The following CD48 variants were observed in gnomAD, a reference collection of about 807,000 sequenced individuals.
CD48 encodes CD48 antigen.
A neutral mutation model predicts 22.0 loss-of-function variants in CD48; 20 were observed. That is an observed-to-expected ratio of 0.91 (90% confidence interval 0.64 to 1.32). CD48 has a LOEUF of 1.32. Among genes scored for constraint, CD48 ranks in the 40% most tolerant of loss-of-function variants. CD48 has a pLI of 0.00. For missense variants in CD48, 307 were observed against 286.5 expected (o/e 1.07, Z -0.52); for synonymous variants, 110 against 110.1 (o/e 1.00, Z 0.01).
In CD48 at chr1:160,684,906, C is replaced by T; in HGVS notation, c.366G>A (p.Lys122=). Reference sequence around the variant, plus strand: ...ACTCACCAAGCACTTGCAGCTTGATCTTCCATTCTTGCTCATTCCCAGTCT... The same window carrying T: ...ACTCACCAAGCACTTGCAGCTTGATTTTCCATTCTTGCTCATTCCCAGTCT... ...LKKTGNEQEW[K]IKLQVLDPVP... The change falls in exon 2 of 4, where the codon AAG becomes AAA. Residue 122 remains lysine, a synonymous_variant. Transcript: ENST00000368046. 1 of 1,614,150 alleles carries T rather than the reference C, an allele frequency of 6.2e-7. No individual in the cohort carries two copies. Among genetic ancestry groups the T allele is most frequent in the Non-Finnish European group, 8.5e-7 (1 of 1,180,032 alleles).
rs909005024 is a variant in CD48 at position 160,678,965 on chromosome 1, T to C, written c.*87A>G. Reference sequence around the variant, plus strand: ...CAGCAGCATGCTTCTGGTCAGCCTATACAGTCTCTGTCCTGGTGAGGAGCA... The same window carrying C: ...CAGCAGCATGCTTCTGGTCAGCCTACACAGTCTCTGTCCTGGTGAGGAGCA... On this transcript the variant is annotated 3_prime_UTR_variant, in exon 4 of 4. Coordinates refer to ENST00000368046, the MANE Select transcript of CD48 (RefSeq NM_001778.4). 6 of 961,608 alleles carry C rather than the reference T, an allele frequency of 6.2e-6. No homozygotes were observed. The African/African-American group carries it at 8.0e-5, about 13-fold the overall frequency. 59.6% of individuals were successfully genotyped at this position (961,608 alleles called of 1,614,324 possible). A position where few individuals can be genotyped will look rare whatever the true frequency, so the allele number is the denominator to read the frequency against.
At chr1:160,706,900 A>G (rs1303568135) in intron 1 of CD48, among the ~76,000 whole-genome samples, 4 of 152,210 alleles carry the variant, frequency 2.6e-5, no homozygotes, top group African/African-American at 9.6e-5. Context: ...CTCCAATAAA[A>G]CAAGACACAT....
intron 1 of CD48, among the ~76,000 whole-genome samples, chr1:160,694,254 T>G (rs1332498970): frequency 1.3e-5 from 2 of 152,228 alleles, no homozygotes; most frequent in African/African-American, 4.8e-5. Context: ...ACAGGAGGGT[T>G]TGGAAGCACT....
At chr1:160,706,085 A>T (rs1417659414) in intron 1 of CD48, among the ~76,000 whole-genome samples, 4 of 151,944 alleles carry the variant, frequency 2.6e-5, no homozygotes, top group African/African-American at 9.7e-5. Context: ...ATATATATAT[A>T]ATTTTTTTTA....
At chr1:160,692,063 A>G (rs1308922753) in intron 1 of CD48, 1 of 163,416 alleles carries the variant, frequency 6.1e-6, no homozygotes, top group African/African-American at 2.4e-5. Context: ...TTAGATCTAG[A>G]AGATTGGAAA....
Position 160,679,031 on chromosome 1 carries a change from C to T in CD48, c.*21G>A, listed in dbSNP as rs772969558. On this transcript the variant is annotated 3_prime_UTR_variant, in exon 4 of 4. Transcript: ENST00000368046. ...AAGATCTTCTGGCCTTGAAGTTTCG[C>T]TTGAGTTAAAAGAGCTCATCTCAGG... is the stretch of plus-strand genomic sequence containing the variant. The T allele has an allele frequency of 1.9e-6, 3 of 1,600,006 alleles. No homozygotes were observed. In the South Asian group the frequency reaches 3.3e-5, roughly 18 times the overall value.
chr1:160,695,847 G>T (rs1571063173), intron 1 of CD48, among the ~76,000 whole-genome samples: 2 of 152,176 alleles, frequency 1.3e-5, no homozygotes, highest in East Asian at 3.9e-4. Context: ...CATTGTACTT[G>T]GATCAAATAG....
At chr1:160,691,394 C>A (rs1052962521) in intron 1 of CD48, among the ~76,000 whole-genome samples, 4 of 152,076 alleles carry the variant, frequency 2.6e-5, no homozygotes, top group Admixed American at 2.6e-4. Context: ...ATGCAGGCAG[C>A]AATACTGCTT....
chr1:160,684,858 G>T (rs752760840), intron 2 of CD48, 29 bp downstream of exon 2: 2 of 1,613,930 alleles, frequency 1.2e-6, no homozygotes, highest in South Asian at 2.2e-5. Context: ...ACTGGAGTGG[G>T]GATTTGCTCT....
intron 1 of CD48, among the ~76,000 whole-genome samples, chr1:160,690,498 A>C (rs1225060569): frequency 6.6e-6 from 1 of 152,156 alleles, no homozygotes; most frequent in African/African-American, 2.4e-5. Context: ...GGTAAGAGCA[A>C]ATTTATCTTT....
intron 3 of CD48, among the ~76,000 whole-genome samples, chr1:160,679,794 G>A (rs934077272): frequency 2.0e-5 from 3 of 152,164 alleles, no homozygotes; most frequent in African/African-American, 7.2e-5. Flanking sequence ...CCTCTCTTCG[G>A]ATGAACAGTC....
chr1:160,691,731 T>A, intron 1 of CD48: 1 of 344,142 alleles, frequency 2.9e-6, no homozygotes, highest in Non-Finnish European at 5.2e-6. Context: ...CCCACAGGTG[T>A]GGAGGGGCAA....
At chr1:160,680,035 C>T (rs568099698) in intron 3 of CD48, among the ~76,000 whole-genome samples, 22 of 152,178 alleles carry the variant, frequency 1.4e-4, no homozygotes, top group African/African-American at 3.9e-4. Flanking sequence ...ACACAGTCTC[C>T]GTAGTCCACA....
intron 1 of CD48, among the ~76,000 whole-genome samples, chr1:160,705,939 A>G (rs116637633): frequency 6.6e-6 from 1 of 152,122 alleles, no homozygotes; most frequent in South Asian, 2.1e-4. Context: ...ATTCTCCCAC[A>G]TTCACCCTGG....
chr1:160,703,975 G>C (rs983932315), intron 1 of CD48, among the ~76,000 whole-genome samples: 7 of 152,048 alleles, frequency 4.6e-5, no homozygotes, highest in African/African-American at 7.2e-5. Context: ...AGATTGGAGA[G>C]AGTAGATACA....
At chr1:160,705,566 C>T (rs903844716) in intron 1 of CD48, among the ~76,000 whole-genome samples, 1 of 152,198 alleles carries the variant, frequency 6.6e-6, no homozygotes, top group Non-Finnish European at 1.5e-5. Flanking sequence ...TGGCGCTGTG[C>T]TAGACTCTGC....
chr1:160,700,221 A>G (rs896350052), intron 1 of CD48, among the ~76,000 whole-genome samples: 31 of 152,182 alleles, frequency 2.0e-4, no homozygotes, highest in Non-Finnish European at 5.9e-5. Flanking sequence ...GAACCACCTA[A>G]GAAGTCATTT....
intron 1 of CD48, among the ~76,000 whole-genome samples, chr1:160,693,855 C>T (rs1455003402): frequency 6.6e-6 from 1 of 152,292 alleles, no homozygotes; most frequent in African/African-American, 2.4e-5. Context: ...TCAGGGTTTT[C>T]AGGGACAACA....
In CD48 at chr1:160,691,604, T is replaced by A. The variant is rs1294732716; in HGVS notation, c.83-6415A>T. On this transcript the variant is annotated intron_variant, in intron 1 of 3. Coordinates refer to ENST00000368046, the MANE Select transcript of CD48 (RefSeq NM_001778.4). ...ATAAATACTAAGGGGACTCAGAGGCTGGTGGGATCCTCCATATGCTGAACG... is the reference window on the plus strand; with the variant it reads ...ATAAATACTAAGGGGACTCAGAGGCAGGTGGGATCCTCCATATGCTGAACG... 1.6e-5 allele frequency: 3 copies of A among 185,382 alleles called. No homozygotes were observed. The Admixed American group carries it at 1.8e-4, about 11-fold the overall frequency. The allele number at this position is 185,382 out of a possible 1,614,324, so 11.5% of individuals were successfully genotyped here.
Sources: allele counts gnomAD v4.1 joint callset (sites outside exome capture counted in the v4.1 genomes callset), GRCh38; gene constraint gnomAD v4.1.1; transcripts MANE v1.5; gene names NCBI Gene and HGNC (gene_info 2026-07-23, HGNC 2026-07-21).